Variants in FBXL7 observed in about 807,000 individuals in gnomAD.
FBXL7 encodes F-box/LRR-repeat protein 7.
Under a neutral mutation model 38.3 loss-of-function variants are expected in FBXL7, and 12 were observed. That is an observed-to-expected ratio of 0.31 (90% CI 0.20 to 0.51). The LOEUF is 0.51. Ranked by LOEUF, FBXL7 falls within the 20% of genes least tolerant of loss-of-function variation. The pLI, the probability that FBXL7 is intolerant of heterozygous loss-of-function variation, is 0.98. For missense variants in FBXL7, 567 were observed against 676.4 expected, an observed-to-expected ratio of 0.84 and a Z score of 1.79; for synonymous variants, 297 against 300.9, an observed-to-expected ratio of 0.99 and a Z score of 0.13.
intron 1 of FBXL7, among the ~76,000 whole-genome samples, chr5:15,613,980 G>A (rs1472223887): frequency 6.6e-6 from 1 of 152,134 alleles, no homozygotes; most frequent in Non-Finnish European, 1.5e-5. Flanking sequence ...AGGAAGCTCT[G>A]TGGGATGTCT....
chr5:15,799,142 T>G (rs548111611), intron 2 of FBXL7, among the ~76,000 whole-genome samples: 40 of 152,272 alleles, frequency 2.6e-4, no homozygotes, highest in Non-Finnish European at 5.0e-4. Context: ...CTCAGTGTAA[T>G]TGAGGAAACA....
intron 2 of FBXL7, among the ~76,000 whole-genome samples, chr5:15,636,835 T>C (rs1330301392): frequency 1.3e-5 from 2 of 152,174 alleles, no homozygotes; most frequent in African/African-American, 2.4e-5. Flanking sequence ...AAGTAACAGA[T>C]CTAATGGAAA....
At chr5:15,920,295 A>G (rs1176207350) in intron 2 of FBXL7, among the ~76,000 whole-genome samples, 2 of 152,162 alleles carry the variant, frequency 1.3e-5, no homozygotes, top group Non-Finnish European at 2.9e-5. Context: ...GTTAAATGCA[A>G]TGACTCCTCC....
At chr5:15,894,229 C>T (rs1004940243) in intron 2 of FBXL7, among the ~76,000 whole-genome samples, 1 of 152,216 alleles carries the variant, frequency 6.6e-6, no homozygotes, top group Admixed American at 6.5e-5. Flanking sequence ...CCATTGCGCT[C>T]CAGCCTGGGC....
chr5:15,510,139 G>A (rs1736755757), intron 1 of FBXL7, among the ~76,000 whole-genome samples: 1 of 152,234 alleles, frequency 6.6e-6, no homozygotes, highest in African/African-American at 2.4e-5. Context: ...AAAAACAGTT[G>A]TTAGCACTGC....
intron 2 of FBXL7, among the ~76,000 whole-genome samples, chr5:15,912,524 C>G (rs1357188318): frequency 1.3e-5 from 2 of 151,946 alleles, no homozygotes; most frequent in East Asian, 3.9e-4. Context: ...CGGAGCTGTT[C>G]CTATTTGGCC....
intron 2 of FBXL7, among the ~76,000 whole-genome samples, chr5:15,848,338 C>G (rs550893396): frequency 4.7e-4 from 71 of 152,108 alleles, no homozygotes; most frequent in African/African-American, 1.6e-3. Flanking sequence ...ACACAACATT[C>G]TTTGAAGCTT....
intron 2 of FBXL7, among the ~76,000 whole-genome samples, chr5:15,786,925 T>G (rs745929554): frequency 6.6e-5 from 10 of 152,170 alleles, no homozygotes; most frequent in Non-Finnish European, 1.2e-4. Flanking sequence ...TCTTGGATTA[T>G]CCAAGTGGGC....
intron 1 of FBXL7, chr5:15,501,653 A>T (rs1030488529): frequency 2.0e-6 from 2 of 985,504 alleles, no homozygotes; most frequent in Non-Finnish European, 2.4e-6. Context: ...AATGCAGGCT[A>T]GCTATTCAGC....
intron 2 of FBXL7, among the ~76,000 whole-genome samples, chr5:15,847,814 T>C (rs1271824476): frequency 6.6e-6 from 1 of 152,266 alleles, no homozygotes; most frequent in East Asian, 1.9e-4. Context: ...AACTGCCATG[T>C]TGTGGGAGAG....
At chr5:15,879,289 T>G (rs1399089926) in intron 2 of FBXL7, among the ~76,000 whole-genome samples, 1 of 152,170 alleles carries the variant, frequency 6.6e-6, no homozygotes, top group Non-Finnish European at 1.5e-5. Context: ...AAAGAAATCT[T>G]CAGGTTTAAT....
At chr5:15,780,562 A>G (rs889743366) in intron 2 of FBXL7, among the ~76,000 whole-genome samples, 2 of 152,168 alleles carry the variant, frequency 1.3e-5, no homozygotes, top group Admixed American at 6.5e-5. Flanking sequence ...TGACACAGCC[A>G]TATTGTTTAG....
chr5:15,632,446 C>T (rs12656824), intron 2 of FBXL7, among the ~76,000 whole-genome samples: 12,243 of 152,170 alleles, frequency 0.08, 601 homozygotes, highest in South Asian at 0.13. Flanking sequence ...CTAGTTCATC[C>T]ACTGTGGAAA....
At chr5:15,514,850 A>T (rs1195730380) in intron 1 of FBXL7, among the ~76,000 whole-genome samples, 1 of 152,168 alleles carries the variant, frequency 6.6e-6, no homozygotes, top group East Asian at 1.9e-4. Flanking sequence ...AGCCACATGC[A>T]GTGACTAGTT....
intron 2 of FBXL7, among the ~76,000 whole-genome samples, chr5:15,653,695 A>G (rs1427951930): frequency 1.3e-5 from 2 of 152,236 alleles, no homozygotes; most frequent in African/African-American, 4.8e-5. Context: ...TTGACCAGTT[A>G]AAAGAGAATG....
At position 15,573,415 on chromosome 5, in the gene FBXL7, A is replaced by T. The variant is rs148977202; in HGVS notation, c.38-42568A>T. Among the ~76,000 whole-genome samples, 280 of 152,310 alleles carry T rather than the reference A, an allele frequency of 1.8e-3. 1 individual carries two copies. Among genetic ancestry groups the T allele is most frequent in the African/African-American group, 6.2e-3 (259 of 41,564 alleles). ...GATGGTCAAACCAGCTCAAAAAAAT[A>T]GATTTTTCCCTTTTTTAGTGAACTT... On this transcript the variant is annotated intron_variant, in intron 1 of 3. Transcript: ENST00000504595.
chr5:15,762,583 C>T (rs1461185627), intron 2 of FBXL7, among the ~76,000 whole-genome samples: 1 of 152,112 alleles, frequency 6.6e-6, no homozygotes, highest in Non-Finnish European at 1.5e-5. Flanking sequence ...ATTTAACCTC[C>T]CCTAAGCCTC....
At position 15,868,102 on chromosome 5, in the gene FBXL7, C is replaced by CAA. The variant is rs35879964; in HGVS notation, c.128-59767_128-59766dup. On this transcript the variant is annotated intron_variant, in intron 2 of 3. Transcript: ENST00000504595. The stretch of plus-strand genomic sequence containing the variant: ...GTGGCGACAGAGCAAGACTCCGTCT[C>CAA]AAAAAAAAAAAAAAAAAAAAAATGG... Among the ~76,000 whole-genome samples, 118 of 59,566 alleles carry CAA rather than the reference C, an allele frequency of 2.0e-3. 1 individual carries two copies. Among genetic ancestry groups the CAA allele is most frequent in the African/African-American group, 5.1e-3 (94 of 18,310 alleles). The allele number at this position is 59,566 out of a possible 152,430, so 39.1% of individuals were successfully genotyped here.
chr5:15,767,198 C>T (rs945277146), intron 2 of FBXL7, among the ~76,000 whole-genome samples: 5 of 152,008 alleles, frequency 3.3e-5, no homozygotes, highest in East Asian at 1.9e-4. Context: ...TGCGTTGTCA[C>T]GCCCCCATGT....
Sources: allele counts gnomAD v4.1 joint callset (sites outside exome capture counted in the v4.1 genomes callset), GRCh38; gene constraint gnomAD v4.1.1; transcripts MANE v1.5; gene names NCBI Gene and HGNC (gene_info 2026-07-23, HGNC 2026-07-21).